SPAG16: variants seen among roughly 807,000 people sequenced by gnomAD.
The protein encoded by SPAG16 is sperm-associated antigen 16 protein.
SPAG16 carries 86 observed loss-of-function variants against 80.4 expected under a neutral mutation model. The observed-to-expected ratio is 1.07, with a 90% CI of 0.90 to 1.28. The LOEUF is 1.28. SPAG16 is among the 50% of genes most tolerant of loss of function. The pLI is 0.00. For synonymous variants in SPAG16, 294 were observed against 265.9 expected, an observed-to-expected ratio of 1.11 and a Z score of -1.03; for missense variants, 870 against 765.3, an observed-to-expected ratio of 1.14 and a Z score of -1.61.
intron 12 of SPAG16, among the ~76,000 whole-genome samples, chr2:213,947,607 G>C (rs2079532772): frequency 6.6e-6 from 1 of 151,870 alleles, no homozygotes; most frequent in African/African-American, 2.4e-5. Context: ...TTGTCCTTTA[G>C]GTCAAGGACA....
At chr2:213,947,837 A>C (rs1026360576) in intron 12 of SPAG16, among the ~76,000 whole-genome samples, 3 of 152,236 alleles carry the variant, frequency 2.0e-5, no homozygotes, top group South Asian at 2.1e-4. Context: ...AGTTTTGATT[A>C]TTATAACCGT....
At chr2:213,303,461 C>G (rs377266783) in intron 3 of SPAG16, among the ~76,000 whole-genome samples, 91 of 141,768 alleles carry the variant, frequency 6.4e-4, no homozygotes, top group African/African-American at 2.1e-3. Flanking sequence ...TGAATGTAGT[C>G]ACTCTCGTGC....
In SPAG16 at chr2:213,330,396, G is replaced by T. The variant is rs148808685; in HGVS notation, c.537-9767G>T. 1.6e-4 allele frequency among the ~76,000 whole-genome samples: 25 copies of T among 152,336 alleles called. No homozygotes were observed. In the East Asian group the frequency reaches 4.8e-3, roughly 29 times the overall value. On this transcript the variant is annotated intron_variant, in intron 5 of 15. Coordinates refer to ENST00000331683, the MANE Select transcript of SPAG16 (RefSeq NM_024532.5). Reference sequence around the variant, plus strand: ...TCTTGTATCAGCGTGACCTGGATGTGAGACATGGAGTCAAAGGAGATCATT... The same window carrying T: ...TCTTGTATCAGCGTGACCTGGATGTTAGACATGGAGTCAAAGGAGATCATT...
At chr2:213,829,343 A>G (rs1394419002) in intron 10 of SPAG16, among the ~76,000 whole-genome samples, 1 of 152,076 alleles carries the variant, frequency 6.6e-6, no homozygotes, top group Non-Finnish European at 1.5e-5. Flanking sequence ...CAAGTGTCTC[A>G]TCGGTAAGCC....
chr2:214,296,733 T>C (rs1315686334), intron 15 of SPAG16, among the ~76,000 whole-genome samples: 6 of 152,174 alleles, frequency 3.9e-5, no homozygotes, highest in Non-Finnish European at 7.3e-5. Context: ...GATAATAGTT[T>C]GGATGTATGT....
At chr2:213,533,823 G>A (rs2076153297) in intron 10 of SPAG16, among the ~76,000 whole-genome samples, 3 of 152,136 alleles carry the variant, frequency 2.0e-5, no homozygotes, top group South Asian at 2.1e-4. Context: ...CTTTAATCAT[G>A]TATTTATGCA....
chr2:213,865,877 C>A (rs1167738167), intron 11 of SPAG16, among the ~76,000 whole-genome samples: 1 of 147,850 alleles, frequency 6.8e-6, no homozygotes, highest in Non-Finnish European at 1.5e-5. Flanking sequence ...CAGTAATATA[C>A]ATAGCAACTT....
chr2:213,350,360 A>AGTT (rs1216918168), intron 6 of SPAG16, among the ~76,000 whole-genome samples, 168 bp from the exon 7 acceptor site: 6 of 152,154 alleles, frequency 3.9e-5, no homozygotes, highest in African/African-American at 1.4e-4. Context: ...GTTGCAGTGA[A>AGTT]GTTGTATGCT....
chr2:214,377,031 A>T (rs750029169), intron 15 of SPAG16, among the ~76,000 whole-genome samples: 1 of 152,244 alleles, frequency 6.6e-6, no homozygotes, highest in African/African-American at 2.4e-5. Context: ...GTTTTAAATA[A>T]TAACTACCTA....
intron 15 of SPAG16, among the ~76,000 whole-genome samples, chr2:214,169,042 T>C (rs2056777296): frequency 6.6e-6 from 1 of 152,110 alleles, no homozygotes; most frequent in African/African-American, 2.4e-5. Context: ...TATCCCAATG[T>C]TTTCTATTAA....
intron 10 of SPAG16, among the ~76,000 whole-genome samples, chr2:213,692,308 G>T (rs1024222045): frequency 6.6e-6 from 1 of 152,078 alleles, no homozygotes; most frequent in African/African-American, 2.4e-5. Flanking sequence ...TGATTACAGG[G>T]TTAACATAAT....
intron 10 of SPAG16, among the ~76,000 whole-genome samples, chr2:213,758,788 A>G (rs577869356): frequency 5.3e-5 from 8 of 152,348 alleles, no homozygotes; most frequent in Admixed American, 3.9e-4. Context: ...GATAAAAGAC[A>G]TTAATATAAA....
chr2:213,995,792 A>C (rs2046486514), intron 12 of SPAG16, among the ~76,000 whole-genome samples: 1 of 152,160 alleles, frequency 6.6e-6, no homozygotes, highest in East Asian at 1.9e-4. Context: ...TGAAGGGTGA[A>C]ACTTAGGACT....
chr2:214,253,820 G>A (rs1406634527), intron 15 of SPAG16, among the ~76,000 whole-genome samples: 2 of 152,074 alleles, frequency 1.3e-5, no homozygotes, highest in African/African-American at 2.4e-5. Flanking sequence ...ATTTAAAGTC[G>A]TTTTTTCCAG....
At chr2:213,668,509 A>T (rs1222292823) in intron 10 of SPAG16, among the ~76,000 whole-genome samples, 1 of 152,212 alleles carries the variant, frequency 6.6e-6, no homozygotes, top group Non-Finnish European at 1.5e-5. Context: ...GAATTTTATT[A>T]AATATTTAGA....
intron 13 of SPAG16, among the ~76,000 whole-genome samples, chr2:214,044,241 G>A (rs184124853): frequency 3.6e-4 from 55 of 152,230 alleles, no homozygotes; most frequent in Middle Eastern, 6.8e-3. Flanking sequence ...AACTGTTTCT[G>A]TGTTCTAAAT....
intron 15 of SPAG16, among the ~76,000 whole-genome samples, chr2:214,370,365 C>T (rs1204954804): frequency 6.6e-6 from 1 of 152,156 alleles, no homozygotes; most frequent in Non-Finnish European, 1.5e-5. Flanking sequence ...CCATGTCTCT[C>T]ATTTTGATTG....
rs879827190 is a variant in SPAG16 at position 213,460,378 on chromosome 2, T to C, written c.943-29585T>C. Reference sequence around the variant, plus strand: ...ATCCATAGAACAAGTGTAATGCCACTGTATCAAGATATATCCATACCAGGG... The same window carrying C: ...ATCCATAGAACAAGTGTAATGCCACCGTATCAAGATATATCCATACCAGGG... On this transcript the variant is annotated intron_variant, in intron 9 of 15. Transcript: ENST00000331683. Among the ~76,000 whole-genome samples the C allele has an allele frequency of 9.8e-5, 15 of 152,364 alleles. 1 individual carries two copies. Among genetic ancestry groups the C allele is most frequent in the Admixed American group, 3.9e-4 (6 of 15,304 alleles).
chr2:213,794,683 T>G (rs2070914974), intron 10 of SPAG16, among the ~76,000 whole-genome samples: 1 of 152,180 alleles, frequency 6.6e-6, no homozygotes. Context: ...TTTTGTTTAG[T>G]AACTTTGTTA....
Sources: gnomAD v4.1 joint callset for allele counts (sites outside exome capture counted in the v4.1 genomes callset) on GRCh38, gnomAD v4.1.1 for gene constraint, MANE v1.5 for transcripts, NCBI Gene and HGNC (gene_info 2026-07-23, HGNC 2026-07-21) for gene names.